Variants in RNLS observed in about 807,000 individuals in gnomAD.
The protein encoded by RNLS is renalase, FAD dependent amine oxidase.
A neutral mutation model predicts 39.8 loss-of-function variants in RNLS; 39 were observed. That is an observed-to-expected ratio of 0.98 (90% CI 0.76 to 1.28). The LOEUF (loss-of-function observed/expected upper bound fraction) is 1.28, where lower values mean the gene tolerates loss of function less well. Among genes scored for constraint, RNLS ranks in the 50% most tolerant of loss-of-function variants. RNLS has a pLI of 0.00. For synonymous variants in RNLS, 147 were observed against 150.7 expected (o/e 0.98, Z 0.18); for missense variants, 410 against 413.3 (o/e 0.99, Z 0.07).
intron 4 of RNLS, among the ~76,000 whole-genome samples, chr10:88,396,120 A>AATAGAC (rs2133608277): frequency 6.6e-6 from 1 of 152,268 alleles, no homozygotes; most frequent in South Asian, 2.1e-4. Flanking sequence ...ATGAAAGGTC[A>AATAGAC]ATAGACTATA....
At chr10:88,449,587 G>A (rs1482469092) in intron 4 of RNLS, among the ~76,000 whole-genome samples, 2 of 152,016 alleles carry the variant, frequency 1.3e-5, no homozygotes, top group Non-Finnish European at 2.9e-5. Flanking sequence ...TTGTCTTTTT[G>A]TCAACAGCTC....
At chr10:88,283,498 C>T (rs935884480), downstream of RNLS, among the ~76,000 whole-genome samples, 1 of 152,080 alleles carries the variant, frequency 6.6e-6, no homozygotes, top group Non-Finnish European at 1.5e-5. Context: ...AGTCAAATGG[C>T]TCCTGAATTA....
intron 5 of RNLS, among the ~76,000 whole-genome samples, chr10:88,358,725 T>C (rs548951220): frequency 1.2e-4 from 18 of 152,260 alleles, no homozygotes; most frequent in African/African-American, 3.9e-4. Flanking sequence ...CTAAGGAAAT[T>C]TTGGTTCTGG....
the RNLS span, among the ~76,000 whole-genome samples, chr10:88,182,653 TTC>T: frequency 1.9e-3 from 292 of 151,876 alleles, 2 homozygotes; most frequent in South Asian, 6.7e-3. Flanking sequence ...CAGTGAAACT[TTC>T]TCTCTCTCTC....
the RNLS span, among the ~76,000 whole-genome samples, chr10:88,224,032 A>G: frequency 8.3e-6 from 1 of 120,304 alleles, no homozygotes; most frequent in Non-Finnish European, 1.8e-5. Context: ...CAAAATGAGC[A>G]CTCAGAAAAA....
At chr10:88,531,784 G>A (rs892837521) in intron 4 of RNLS, among the ~76,000 whole-genome samples, 2 of 152,022 alleles carry the variant, frequency 1.3e-5, no homozygotes, top group South Asian at 2.1e-4. Flanking sequence ...TAAATATTAC[G>A]TAGATTGACA....
the RNLS span, among the ~76,000 whole-genome samples, chr10:88,190,439 G>T: frequency 6.6e-6 from 1 of 152,188 alleles, no homozygotes; most frequent in African/African-American, 2.4e-5. Flanking sequence ...TAAAGGGAAG[G>T]CCTATGTGAA....
At chr10:88,514,034 G>C (rs1846283483) in intron 4 of RNLS, among the ~76,000 whole-genome samples, 1 of 150,882 alleles carries the variant, frequency 6.6e-6, no homozygotes, top group African/African-American at 2.4e-5. Flanking sequence ...GTCTTATTAT[G>C]GTAAGAACAT....
Position 88,309,420 on chromosome 10 carries a change from G to A in RNLS, c.876+5046C>T, listed in dbSNP as rs184809205. On this transcript the variant is annotated intron_variant, in intron 6 of 6. Coordinates refer to ENST00000331772, the MANE Select transcript of RNLS (RefSeq NM_001031709.3). The stretch of plus-strand genomic sequence containing the variant: ...AATCTCATGAGGGGATAATGTAAAC[G>A]TACGGGTGGTCTCAAGCTCTTCTGT... 32 of 1,289,704 alleles carry A rather than the reference G, an allele frequency of 2.5e-5. No individual in the cohort carries two copies. In the Admixed American group the frequency reaches 5.1e-4, roughly 20 times the overall value. 79.9% of individuals were successfully genotyped at this position (1,289,704 alleles called of 1,614,324 possible).
chr10:88,390,426 T>A (rs1437610876), intron 4 of RNLS, among the ~76,000 whole-genome samples: 1 of 152,160 alleles, frequency 6.6e-6, no homozygotes, highest in Non-Finnish European at 1.5e-5. Context: ...GGGAAAAAAG[T>A]GTTTGAGCAT....
At chr10:88,344,800 C>T (rs1041729667) in intron 5 of RNLS, among the ~76,000 whole-genome samples, 1 of 152,132 alleles carries the variant, frequency 6.6e-6, no homozygotes, top group East Asian at 1.9e-4. Flanking sequence ...TTTTTACAAA[C>T]ATGAATTTGG....
chr10:88,226,685 A>AT, the RNLS span, among the ~76,000 whole-genome samples: 81 of 145,446 alleles, frequency 5.6e-4, 1 homozygote, highest in East Asian at 0.014. Flanking sequence ...TCACCCTCTA[A>AT]TTTTTTAACC....
the RNLS span, among the ~76,000 whole-genome samples, chr10:88,203,877 A>G: frequency 6.6e-6 from 1 of 152,036 alleles, no homozygotes; most frequent in African/African-American, 2.4e-5. Flanking sequence ...TAATATTACT[A>G]TTATCCAGTT....
downstream of RNLS, among the ~76,000 whole-genome samples, chr10:88,281,950 A>C (rs1843023705): frequency 6.6e-6 from 1 of 152,114 alleles, no homozygotes; most frequent in Non-Finnish European, 1.5e-5. Flanking sequence ...GAGCAAAACA[A>C]GGGGAACAAA....
intron 5 of RNLS, among the ~76,000 whole-genome samples, chr10:88,330,201 T>C (rs1019446938): frequency 6.6e-6 from 1 of 150,982 alleles, no homozygotes; most frequent in African/African-American, 2.4e-5. Context: ...CATATATATT[T>C]CTATTGTGAG....
intron 4 of RNLS, among the ~76,000 whole-genome samples, chr10:88,382,457 A>G (rs1339358043): frequency 6.6e-6 from 1 of 152,150 alleles, no homozygotes; most frequent in Non-Finnish European, 1.5e-5. Context: ...TTTTTTCACA[A>G]AAATAAAAAG....
the RNLS span, among the ~76,000 whole-genome samples, chr10:88,205,884 T>C: frequency 1.3e-5 from 2 of 152,176 alleles, no homozygotes; most frequent in Non-Finnish European, 2.9e-5. Flanking sequence ...AAATGTCCAC[T>C]TCTCCAAACA....
At chr10:88,333,385 A>T (rs1165458124) in intron 5 of RNLS, among the ~76,000 whole-genome samples, 1 of 152,238 alleles carries the variant, frequency 6.6e-6, no homozygotes, top group Non-Finnish European at 1.5e-5. Context: ...TGGCAGCCCC[A>T]TTCTCCAGGG....
chr10:88,395,490 A>C (rs1052781007), intron 4 of RNLS, among the ~76,000 whole-genome samples: 7 of 152,096 alleles, frequency 4.6e-5, no homozygotes, highest in African/African-American at 1.7e-4. Flanking sequence ...GCTCGATAGA[A>C]GATTTGAGCA....
Sources: allele counts gnomAD v4.1 joint callset (sites outside exome capture counted in the v4.1 genomes callset), GRCh38; gene constraint gnomAD v4.1.1; transcripts MANE v1.5; gene names NCBI Gene and HGNC (gene_info 2026-07-23, HGNC 2026-07-21).